GPC4: variants seen among roughly 807,000 people sequenced by gnomAD.
GPC4 encodes glypican 4, also known as glypican-4.
Under a neutral mutation model 35.0 loss-of-function variants are expected in GPC4, and 10 were observed. The observed-to-expected ratio is 0.29, with a 90% CI of 0.18 to 0.48. The LOEUF is 0.48. Among genes scored for constraint, GPC4 ranks in the 20% least tolerant of loss-of-function variants. The probability of loss-of-function intolerance (pLI) is 0.99; values close to 1 mark genes in which losing one functional copy is unlikely to be tolerated. For synonymous variants in GPC4, 167 were observed against 170.2 expected (o/e 0.98, Z 0.15); for missense variants, 322 against 451.3 (o/e 0.71, Z 2.60).
intron 3 of GPC4, among the ~76,000 whole-genome samples, chrX:133,318,801 T>TGTA (rs2068350742): frequency 8.9e-6 from 1 of 112,355 alleles, no homozygotes; most frequent in Non-Finnish European, 1.9e-5. Flanking sequence ...TACAAAGATG[T>TGTA]GTAGTACGAG....
At chrX:133,365,187 G>A (rs1200226343) in intron 1 of GPC4, among the ~76,000 whole-genome samples, 1 of 109,744 alleles carries the variant, frequency 9.1e-6, no homozygotes, top group Non-Finnish European at 1.9e-5. Context: ...TTATTTTATT[G>A]CAACTGCAGT....
chrX:133,353,849 C>T (rs1388832367), intron 1 of GPC4, among the ~76,000 whole-genome samples: 1 of 111,401 alleles, frequency 9.0e-6, no homozygotes, highest in African/African-American at 3.3e-5. Context: ...CAGGGTCTTT[C>T]GTTCTGTGGT....
intron 3 of GPC4, among the ~76,000 whole-genome samples, chrX:133,320,624 CAAAAAAAAA>C (rs11329655): frequency 2.6e-5 from 1 of 37,742 alleles, no homozygotes; most frequent in Admixed American, 3.8e-4. Context: ...AACTCTGTCT[CAAAAAAAAA>C]AAAAAAAAAA....
intron 1 of GPC4, among the ~76,000 whole-genome samples, chrX:133,391,254 T>A (rs1040120631): frequency 8.9e-6 from 1 of 111,973 alleles, no homozygotes; most frequent in Non-Finnish European, 1.9e-5. Context: ...CATCCCTTCA[T>A]AACAGAAAGC....
chrX:133,319,630 G>A (rs2068355475), intron 3 of GPC4, among the ~76,000 whole-genome samples: 1 of 109,295 alleles, frequency 9.1e-6, no homozygotes, highest in African/African-American at 3.3e-5. Context: ...TCATTTCTTG[G>A]GTTGTTCTAG....
intron 1 of GPC4, among the ~76,000 whole-genome samples, chrX:133,352,490 GA>G (rs1182578343): frequency 9.5e-6 from 1 of 104,831 alleles, no homozygotes. Context: ...TGACAAATCA[GA>G]AGTCACTAAA....
intron 1 of GPC4, among the ~76,000 whole-genome samples, chrX:133,361,482 A>G (rs1278461157): frequency 1.8e-5 from 2 of 111,144 alleles, no homozygotes; most frequent in African/African-American, 3.3e-5. Flanking sequence ...GGGAAGAGAG[A>G]TTCTGCTAAA....
At chrX:133,320,059 CT>C (rs1453578575) in intron 3 of GPC4, among the ~76,000 whole-genome samples, 1 of 111,427 alleles carries the variant, frequency 9.0e-6, no homozygotes, top group East Asian at 2.8e-4. Flanking sequence ...CAAGTCAGTC[CT>C]TAAATTTAGA....
intron 1 of GPC4, among the ~76,000 whole-genome samples, chrX:133,343,101 A>C (rs934851890): frequency 3.6e-5 from 4 of 111,815 alleles, no homozygotes; most frequent in Non-Finnish European, 5.6e-5. Flanking sequence ...CTGTGGGGGT[A>C]GCATTGGACA....
intron 1 of GPC4, among the ~76,000 whole-genome samples, chrX:133,379,571 T>C (rs915784303): frequency 6.2e-5 from 7 of 112,065 alleles, no homozygotes; most frequent in African/African-American, 2.3e-4. Context: ...AATTTTATGT[T>C]ATGTGAGTTT....
rs12556901 is a variant in GPC4 at position 133,415,195 on chromosome X, G to A, written c.-230C>T. On this transcript the variant is annotated 5_prime_UTR_variant, in exon 1 of 9. Coordinates refer to ENST00000370828, the MANE Select transcript of GPC4 (RefSeq NM_001448.3). ...TGCCAGGCGCCGGGCCAGGGGAGAA[G>A]GAGGGCGTGGAGGCGGCGCGCGGCC... The A allele has an allele frequency of 7.1e-3, 2,661 of 376,076 alleles. 24 individuals are homozygous for A. Among genetic ancestry groups the A allele is most frequent in the Admixed American group, 0.043 (940 of 21,650 alleles). 31.0% of individuals were successfully genotyped at this position (376,076 alleles called of 1,213,427 possible). A position where few individuals can be genotyped will look rare whatever the true frequency, so the allele number is the denominator to read the frequency against.
intron 1 of GPC4, among the ~76,000 whole-genome samples, chrX:133,348,861 A>G (rs1007477728): frequency 8.9e-6 from 1 of 111,937 alleles, no homozygotes; most frequent in Non-Finnish European, 1.9e-5. Flanking sequence ...TTCTTGTTTT[A>G]TTGGTGAATT....
intron 2 of GPC4, 30 bp downstream of exon 2, chrX:133,339,153 C>T: frequency 3.3e-6 from 4 of 1,203,960 alleles, no homozygotes; most frequent in Non-Finnish European, 4.5e-6. Context: ...ACCTAACTGC[C>T]GGTTCTTACA....
At chrX:133,346,899 T>C (rs1478788569) in intron 1 of GPC4, among the ~76,000 whole-genome samples, 1 of 110,720 alleles carries the variant, frequency 9.0e-6, no homozygotes, top group Non-Finnish European at 1.9e-5. Context: ...AGAATGAAAG[T>C]GAGGATGCCA....
intron 1 of GPC4, among the ~76,000 whole-genome samples, chrX:133,388,815 T>G (rs1398680156): frequency 9.1e-6 from 1 of 109,883 alleles, no homozygotes; most frequent in African/African-American, 3.4e-5. Context: ...CAACTCTTTT[T>G]AAGAGATGGA....
chrX:133,349,187 G>A (rs781230297), intron 1 of GPC4, among the ~76,000 whole-genome samples: 2 of 111,899 alleles, frequency 1.8e-5, no homozygotes, highest in Non-Finnish European at 3.8e-5. Flanking sequence ...AGGGCTAGCC[G>A]CCAGCACTTT....
At position 133,308,410 on chromosome X, in the gene GPC4, T is replaced by C. The variant is rs749659318; in HGVS notation, c.878-2256A>G. Reference sequence around the variant, plus strand: ...CTACAGTATGTGATGGAGAACAAGTTGCATAGCATAATTTATGATTCTCCA... The same window carrying C: ...CTACAGTATGTGATGGAGAACAAGTCGCATAGCATAATTTATGATTCTCCA... On this transcript the variant is annotated intron_variant, in intron 4 of 8. Coordinates refer to ENST00000370828, the MANE Select transcript of GPC4 (RefSeq NM_001448.3). Among the ~76,000 whole-genome samples the C allele has an allele frequency of 8.0e-5, 9 of 112,334 alleles. No homozygotes were observed. In the East Asian group the frequency reaches 2.0e-3, roughly 25 times the overall value.
At chrX:133,317,027 G>T (rs2068341844) in intron 3 of GPC4, among the ~76,000 whole-genome samples, 2 of 111,752 alleles carry the variant, frequency 1.8e-5, no homozygotes, top group African/African-American at 6.5e-5. Context: ...TTGTGGGGTG[G>T]TATGATAGAA....
chrX:133,388,529 C>T (rs191731158), intron 1 of GPC4, among the ~76,000 whole-genome samples: 1 of 111,232 alleles, frequency 9.0e-6, no homozygotes, highest in East Asian at 2.8e-4. Flanking sequence ...ATAAAACCAA[C>T]AGCCAACTCC....
Sources: allele counts gnomAD v4.1 joint callset (sites outside exome capture counted in the v4.1 genomes callset), GRCh38; gene constraint gnomAD v4.1.1; transcripts MANE v1.5; gene names NCBI Gene and HGNC (gene_info 2026-07-23, HGNC 2026-07-21).